OPCML: variants seen among roughly 807,000 people sequenced by gnomAD.
OPCML encodes the protein opioid binding protein/cell adhesion molecule like.
A neutral mutation model predicts 37.8 loss-of-function variants in OPCML; 13 were observed. The ratio of observed to expected loss-of-function variants is 0.34; its 90% CI spans 0.22 to 0.55. OPCML has a LOEUF of 0.55. Among genes scored for constraint, OPCML ranks in the 20% least tolerant of loss-of-function variants. The probability of loss-of-function intolerance (pLI) is 0.91; values close to 1 mark genes in which losing one functional copy is unlikely to be tolerated. For synonymous variants in OPCML, 176 were observed against 168.8 expected, an observed-to-expected ratio of 1.04 and a Z score of -0.33; for missense variants, 341 against 435.6, an observed-to-expected ratio of 0.78 and a Z score of 1.93.
At chr11:132,904,489 T>C (rs1944168837) in intron 2 of OPCML, among the ~76,000 whole-genome samples, 1 of 152,252 alleles carries the variant, frequency 6.6e-6, no homozygotes, top group Admixed American at 6.5e-5. Context: ...CTTGAATTTG[T>C]GACCTCAGAC....
intron 2 of OPCML, among the ~76,000 whole-genome samples, chr11:132,663,025 T>G (rs1481648289): frequency 6.6e-6 from 1 of 152,268 alleles, no homozygotes; most frequent in African/African-American, 2.4e-5. Context: ...GGTGCATACC[T>G]TTGTGTTTTA....
At chr11:133,251,532 G>T (rs944387475) in intron 1 of OPCML, among the ~76,000 whole-genome samples, 6 of 149,426 alleles carry the variant, frequency 4.0e-5, no homozygotes, top group African/African-American at 1.2e-4. Flanking sequence ...CTTCAAGTGT[G>T]TACAAGAACC....
intron 1 of OPCML, among the ~76,000 whole-genome samples, chr11:133,458,177 T>C (rs143294956): frequency 0.023 from 3,103 of 133,554 alleles, 167 homozygotes; most frequent in African/African-American, 0.11. Context: ...TATACATATA[T>C]GTGTATATAT....
chr11:132,702,315 T>C (rs948174294), intron 2 of OPCML, among the ~76,000 whole-genome samples: 1 of 152,138 alleles, frequency 6.6e-6, no homozygotes, highest in Non-Finnish European at 1.5e-5. Flanking sequence ...GAAAGACAAT[T>C]TTTCTGGTAT....
chr11:133,312,887 A>G (rs1943099154), intron 1 of OPCML, among the ~76,000 whole-genome samples: 2 of 152,226 alleles, frequency 1.3e-5, no homozygotes, highest in Non-Finnish European at 2.9e-5. Context: ...ATAGATTTAT[A>G]CTGATGATTA....
intron 1 of OPCML, among the ~76,000 whole-genome samples, chr11:133,280,051 A>C (rs887050279): frequency 2.3e-4 from 35 of 152,298 alleles, no homozygotes; most frequent in African/African-American, 7.0e-4. Flanking sequence ...GAACCTAAAC[A>C]GTTGCATTGT....
At chr11:132,624,528 A>G (rs1353177400) in intron 3 of OPCML, among the ~76,000 whole-genome samples, 1 of 152,022 alleles carries the variant, frequency 6.6e-6, no homozygotes, top group South Asian at 2.1e-4. Flanking sequence ...CTTGTCCTCT[A>G]TGTAACCTCA....
chr11:132,464,807 T>C (rs2096114550), intron 4 of OPCML, among the ~76,000 whole-genome samples: 1 of 152,188 alleles, frequency 6.6e-6, no homozygotes, highest in South Asian at 2.1e-4. Flanking sequence ...AACTCCCTGA[T>C]AAAAGATTCA....
intron 1 of OPCML, among the ~76,000 whole-genome samples, chr11:133,516,749 C>A (rs1310319942): frequency 2.0e-5 from 3 of 152,114 alleles, no homozygotes; most frequent in African/African-American, 7.2e-5. Flanking sequence ...GAGTTACGAG[C>A]CACGGGGATG....
intron 1 of OPCML, among the ~76,000 whole-genome samples, chr11:133,049,013 A>G (rs1948077316): frequency 6.6e-6 from 1 of 152,252 alleles, no homozygotes; most frequent in Non-Finnish European, 1.5e-5. Context: ...TACTATTTAT[A>G]CAAAAATATT....
At chr11:133,096,353 A>T (rs1158466448) in intron 1 of OPCML, among the ~76,000 whole-genome samples, 1 of 152,086 alleles carries the variant, frequency 6.6e-6, no homozygotes, top group Non-Finnish European at 1.5e-5. Context: ...CACTAAAAAA[A>T]TGGTTTTTAA....
At chr11:133,439,251 G>C (rs1002251890) in intron 1 of OPCML, 1 of 976,752 alleles carries the variant, frequency 1.0e-6, no homozygotes, top group African/African-American at 1.8e-5. Context: ...CAATTGAGTT[G>C]AAGCACTGGA....
chr11:132,537,426 A>AAAGGG (rs2096343772), intron 3 of OPCML, among the ~76,000 whole-genome samples: 1 of 152,192 alleles, frequency 6.6e-6, no homozygotes, highest in Non-Finnish European at 1.5e-5. Context: ...CCATATACAA[A>AAAGGG]AATTAACTCA....
At chr11:133,480,676 C>T (rs534268464) in intron 1 of OPCML, among the ~76,000 whole-genome samples, 1 of 152,370 alleles carries the variant, frequency 6.6e-6, no homozygotes, top group South Asian at 2.1e-4. Context: ...AAAACACTAT[C>T]TCCTTCCCCT....
intron 4 of OPCML, among the ~76,000 whole-genome samples, chr11:132,490,750 G>A (rs531332805): frequency 6.6e-6 from 1 of 151,058 alleles, no homozygotes; most frequent in Non-Finnish European, 1.5e-5. Context: ...ACCAGAGTTT[G>A]CAGTGAGCCG....
chr11:133,449,521 C>G (rs749085547), intron 1 of OPCML, among the ~76,000 whole-genome samples: 6 of 152,288 alleles, frequency 3.9e-5, no homozygotes, highest in Non-Finnish European at 5.9e-5. Context: ...AACATTTGTT[C>G]CCTTACATTT....
chr11:132,917,991 A>G (rs2136568763), intron 2 of OPCML, among the ~76,000 whole-genome samples: 1 of 152,236 alleles, frequency 6.6e-6, no homozygotes, highest in Admixed American at 6.5e-5. Context: ...GCTTGTGTGG[A>G]GTGGCCACTT....
chr11:133,227,591 CA>C (rs1940093326), intron 1 of OPCML, among the ~76,000 whole-genome samples: 1 of 151,708 alleles, frequency 6.6e-6, no homozygotes, highest in Admixed American at 6.6e-5. Flanking sequence ...GCACAGCCAG[CA>C]ACCTAAGAAT....
At chr11:132,446,498 TA>T (rs1171647799) in intron 4 of OPCML, among the ~76,000 whole-genome samples, 1 of 152,022 alleles carries the variant, frequency 6.6e-6, no homozygotes, top group African/African-American at 2.4e-5. Flanking sequence ...CTAAAAAGTA[TA>T]AAAAATAAAC....
Sources: gnomAD v4.1 joint callset for allele counts (sites outside exome capture counted in the v4.1 genomes callset) on GRCh38, gnomAD v4.1.1 for gene constraint, MANE v1.5 for transcripts, NCBI Gene and HGNC (gene_info 2026-07-23, HGNC 2026-07-21) for gene names.